ZNF581: variants seen among roughly 807,000 people sequenced by gnomAD.
ZNF581 encodes the protein zinc finger protein 581.
In ZNF581, 1 loss-of-function variant was observed where a neutral mutation model predicts 1.2. That is an observed-to-expected ratio of 0.83 (90% confidence interval 0.30 to 3.95). The LOEUF (loss-of-function observed/expected upper bound fraction) is 3.95. ZNF581 is among the 30% of genes most tolerant of loss of function. ZNF581 has a pLI of 0.18. For synonymous variants in ZNF581, 105 were observed against 109.2 expected (o/e 0.96, Z 0.24); for missense variants, 273 against 274.6 (o/e 0.99, Z 0.04).
upstream of ZNF581, chr19:55,641,968 C>T: frequency 1.1e-6 from 1 of 884,252 alleles, no homozygotes; most frequent in Non-Finnish European, 1.4e-6. Flanking sequence ...GATGGGGAGG[C>T]CCTGCGGCAT....
chr19:55,643,656 G>A lies in ZNF581; in HGVS notation c.-138G>A, dbSNP rs1358584831. 6.6e-6 allele frequency: 1 copy of A among 152,286 alleles called. No individual in the cohort carries two copies. The highest frequency in any genetic ancestry group is 1.9e-4 in the East Asian group (1 of 5,196). 9.4% of individuals were successfully genotyped at this position (152,286 alleles called of 1,614,324 possible). On this transcript the variant is annotated 5_prime_UTR_variant, in exon 1 of 2. Transcript: ENST00000270451. ...TCTCTCCCTTCGGCTTCTCTCTTTC[G>A]GCCGGCGCCGCCAGTTCCTGGGGCA...
chr19:55,642,763 G>T (rs776676808), upstream of ZNF581: 1 of 1,543,702 alleles, frequency 6.5e-7, no homozygotes, highest in South Asian at 1.2e-5. Context: ...CCCCAGGAGA[G>T]CCCGGCCCTC....
At position 55,644,874 on chromosome 19, in the gene ZNF581, C is replaced by T. The variant is rs1181447793; in HGVS notation, c.303C>T (p.Tyr101=). ...VCSRVFEYMS[Y]LQRHSITHSE... is the part of the protein sequence containing the mutation. ...CAAGGGTCTTCGAGTACATGTCCTACCTTCAGCGACACAGCATCACCCACT... is the reference window on the plus strand; with the variant it reads ...CAAGGGTCTTCGAGTACATGTCCTATCTTCAGCGACACAGCATCACCCACT... The change falls in exon 2 of 2, where the codon TAC becomes TAT. Residue 101 remains tyrosine (Y), a synonymous_variant. Coordinates refer to ENST00000270451, the MANE Select transcript of ZNF581 (RefSeq NM_016535.4). This position sits in a 1 kb window ranked among gnomAD's most constrained non-coding sequence, Gnocchi z 4.3. 1.2e-6 allele frequency: 2 copies of T among 1,613,858 alleles called. No homozygotes were observed. Among genetic ancestry groups the T allele is most frequent in the Non-Finnish European group, 1.7e-6 (2 of 1,179,742 alleles).
upstream of ZNF581, chr19:55,642,209 A>G: frequency 3.4e-6 from 4 of 1,168,014 alleles, no homozygotes; most frequent in Non-Finnish European, 4.2e-6. Flanking sequence ...AAGGGAAGAA[A>G]AGTCGGGGGA....
At chr19:55,638,103 C>T (rs1982202337), upstream of ZNF581, among the ~76,000 whole-genome samples, 1 of 152,142 alleles carries the variant, frequency 6.6e-6, no homozygotes, top group Non-Finnish European at 1.5e-5. Flanking sequence ...GCAGGCTATA[C>T]AGGACGTGTG....
upstream of ZNF581, among the ~76,000 whole-genome samples, chr19:55,637,894 G>T (rs1325742149): frequency 6.6e-6 from 1 of 152,174 alleles, no homozygotes; most frequent in Non-Finnish European, 1.5e-5. Flanking sequence ...CCCGAGTGAG[G>T]GCTCAATAAA....
upstream of ZNF581, chr19:55,641,054 C>T (rs1600043243): frequency 3.0e-6 from 3 of 985,270 alleles, no homozygotes; most frequent in Non-Finnish European, 1.2e-6. Context: ...CCCCAGTCCC[C>T]GCGTCCCCGG....
At chr19:55,642,309 C>T (rs2080215861), upstream of ZNF581, 1 of 1,255,820 alleles carries the variant, frequency 8.0e-7, no homozygotes, top group Admixed American at 4.2e-5. Flanking sequence ...CAGTTGGAGG[C>T]CCTCTCCGAG....
upstream of ZNF581, chr19:55,643,064 G>A: frequency 7.5e-7 from 1 of 1,340,382 alleles, no homozygotes; most frequent in South Asian, 2.1e-5. Flanking sequence ...GCCCGTCTCA[G>A]GGCCACCAAG....
At chr19:55,640,563 C>T, upstream of ZNF581, 1 of 985,504 alleles carries the variant, frequency 1.0e-6, no homozygotes, top group Non-Finnish European at 1.2e-6. Context: ...AGCGTCTGGC[C>T]TTCTCCGGGC....
At chr19:55,642,918 G>GGCATCGCGCCAC (rs1178442877), upstream of ZNF581, 2 of 1,517,638 alleles carry the variant, frequency 1.3e-6, no homozygotes, top group South Asian at 1.2e-5. Flanking sequence ...CACCTGTCGC[G>GGCATCGCGCCAC]GCATCGCGCC....
At chr19:55,641,051 C>A, upstream of ZNF581, 5 of 985,180 alleles carry the variant, frequency 5.1e-6, no homozygotes, top group South Asian at 2.3e-4. Flanking sequence ...CGCCCCCAGT[C>A]CCCGCGTCCC....
chr19:55,642,021 G>A (rs1389222736), upstream of ZNF581: 4 of 983,310 alleles, frequency 4.1e-6, no homozygotes, highest in South Asian at 1.9e-4. Context: ...GGGGGCCGGT[G>A]GGGGGGTAGG....
At chr19:55,642,226 C>T (rs1351646378), upstream of ZNF581, 6 of 1,197,986 alleles carry the variant, frequency 5.0e-6, no homozygotes, top group African/African-American at 4.7e-5. Context: ...GGGACTACGT[C>T]CTCAGACCTG....
At chr19:55,642,685 TG>T, upstream of ZNF581, 1 of 1,441,532 alleles carries the variant, frequency 6.9e-7, no homozygotes. Context: ...TCGACGCCAA[TG>T]GGGTCCCCTA....
upstream of ZNF581, chr19:55,635,230 A>G (rs755852227): frequency 1.3e-5 from 2 of 152,378 alleles, no homozygotes; most frequent in African/African-American, 4.8e-5. Context: ...GACGAGGTAT[A>G]GGAAGAGGAG....
At chr19:55,642,767 G>T, upstream of ZNF581, 1 of 1,545,410 alleles carries the variant, frequency 6.5e-7, no homozygotes, top group Non-Finnish European at 8.7e-7. Flanking sequence ...AGGAGAGCCC[G>T]GCCCTCGCAA....
upstream of ZNF581, chr19:55,642,973 C>T (rs12981222): frequency 0.15 from 203,633 of 1,385,540 alleles, 15,363 homozygotes; most frequent in African/African-American, 0.19. Context: ...GCCCGCTCTG[C>T]CCACGCCGCT....
chr19:55,636,852 G>A (rs1982121711), upstream of ZNF581, among the ~76,000 whole-genome samples: 2 of 152,236 alleles, frequency 1.3e-5, no homozygotes, highest in South Asian at 4.1e-4. Flanking sequence ...ACATCACAGA[G>A]AGGGGAGGAG....
Sources: gnomAD v4.1 joint callset for allele counts (sites outside exome capture counted in the v4.1 genomes callset) on GRCh38, gnomAD v4.1.1 for gene constraint, Gnocchi (gnomAD v3.1) non-coding constraint, MANE v1.5 for transcripts, NCBI Gene and HGNC (gene_info 2026-07-23, HGNC 2026-07-21) for gene names.